The following TOGARAM1 variants were observed in gnomAD, a reference collection of about 807,000 sequenced individuals.
The protein encoded by TOGARAM1 is TOG array regulator of axonemal microtubules 1.
TOGARAM1 carries 100 observed loss-of-function variants against 166.6 expected under a neutral mutation model. The observed-to-expected ratio is 0.60, with a 90% CI of 0.51 to 0.71. The LOEUF (loss-of-function observed/expected upper bound fraction) is 0.71. Among genes scored for constraint, TOGARAM1 ranks in the 30% least tolerant of loss-of-function variants. The pLI is 0.00. For missense variants in TOGARAM1, 2,029 were observed against 2,102.7 expected, an observed-to-expected ratio of 0.96 and a Z score of 0.69; for synonymous variants, 758 against 763.8, an observed-to-expected ratio of 0.99 and a Z score of 0.13.
At position 45,066,594 on chromosome 14, in the gene TOGARAM1, C is replaced by G. The variant is rs772832978; in HGVS notation, c.4576C>G (p.Arg1526Gly). 5.6e-6 allele frequency: 9 copies of G among 1,606,880 alleles called. No individual in the cohort carries two copies. Among genetic ancestry groups the G allele is most frequent in the African/African-American group, 1.3e-5 (1 of 74,902 alleles). The part of the protein sequence containing the change: ...NSAERAVTEV[R>G]EVTRKSVPRN... ...TCACTTTAGAGCTGTAACTGAAGTT[C>G]GTGAAGTCACCAGAAAATCAGTCCC... is the stretch of plus-strand genomic sequence containing the variant. Residue 1526 changes from arginine to glycine, a missense_variant, in exon 17 of 20, where the codon CGT becomes GGT. By Grantham distance (125) the Arg-to-Gly change is moderately radical. This residue lies in a region of TOGARAM1 where 576 missense variants were observed against 670.5 expected (regional missense o/e 0.86). Coordinates refer to ENST00000361462, the MANE Select transcript of TOGARAM1 (RefSeq NM_001308120.2).
intron 15 of TOGARAM1, 66 bp downstream of exon 15, chr14:45,052,628 AG>A: frequency 1.4e-6 from 2 of 1,388,004 alleles, no homozygotes; most frequent in Non-Finnish European, 2.0e-6. Context: ...ATCCAGGTAA[AG>A]GATAGGAATA....
intron 16 of TOGARAM1, among the ~76,000 whole-genome samples, chr14:45,058,921 A>G (rs1416514638): frequency 6.6e-6 from 1 of 151,546 alleles, no homozygotes; most frequent in African/African-American, 2.4e-5. Context: ...TATGAGTTTT[A>G]TACTTTCTTA....
At chr14:45,011,859 G>T in intron 6 of TOGARAM1, 116 bp from the exon 7 acceptor site, 2 of 607,276 alleles carry the variant, frequency 3.3e-6, no homozygotes, top group Non-Finnish European at 5.7e-6. Flanking sequence ...CATACTTATT[G>T]CTCCCTTATT....
chr14:45,005,692 C>G (rs950149352), intron 4 of TOGARAM1, among the ~76,000 whole-genome samples: 2 of 152,150 alleles, frequency 1.3e-5, no homozygotes, highest in African/African-American at 4.8e-5. Context: ...TTTCCCCAGC[C>G]ATTGATGTAA....
In TOGARAM1 at chr14:44,997,959, A is replaced by G. The variant is rs145888439; in HGVS notation, c.2204-1404A>G. On this transcript the variant is annotated intron_variant, in intron 2 of 19. Transcript: ENST00000361462. The stretch of plus-strand genomic sequence containing the variant: ...TAGAAGGGAAAATGGTTTAGAAGGT[A>G]AAGATTTGACTATGTTATAGATTTA... Among the ~76,000 whole-genome samples the G allele has an allele frequency of 6.4e-4, 98 of 152,360 alleles. 1 individual carries two copies. Among genetic ancestry groups the G allele is most frequent in the African/African-American group, 2.1e-3 (87 of 41,582 alleles).
chr14:45,036,131 A>T (rs570186431), intron 11 of TOGARAM1, among the ~76,000 whole-genome samples: 5 of 117,422 alleles, frequency 4.3e-5, no homozygotes, highest in African/African-American at 2.1e-4. Context: ...CCTTGTCTCT[A>T]AAAAAAAAAA....
At chr14:45,024,295 T>C (rs190709975) in intron 7 of TOGARAM1, among the ~76,000 whole-genome samples, 44 of 152,300 alleles carry the variant, frequency 2.9e-4, no homozygotes, top group Admixed American at 2.4e-3. Context: ...ATTTACTATT[T>C]ACTCTTTTGA....
At chr14:45,073,160 T>C (rs1307324932) in intron 19 of TOGARAM1, 136 bp from the exon 20 acceptor site, 20 of 813,174 alleles carry the variant, frequency 2.5e-5, no homozygotes, top group Middle Eastern at 3.7e-4. Flanking sequence ...CTTACATTGC[T>C]TCTTTTAAGA....
Position 44,999,373 on chromosome 14 carries a change from G to A in TOGARAM1, c.2214G>A (p.Gly738=). 6.2e-7 allele frequency: 1 copy of A among 1,607,094 alleles called. No homozygotes were observed. The highest frequency in any genetic ancestry group is 8.5e-7 in the Non-Finnish European group (1 of 1,176,006). ...CLPLCAAGTT[G]THQTNLSGKC... is the part of the protein sequence containing the mutation. ...TCCTTTCTTCAAAAGGTACTACTGG[G>A]ACTCATCAAACAAATCTTTCTGGGA... Residue 738 remains glycine (G), a synonymous_variant, in exon 3 of 20, where the codon GGG becomes GGA. Coordinates refer to ENST00000361462, the MANE Select transcript of TOGARAM1 (RefSeq NM_001308120.2).
chr14:44,994,482 A>C (rs1887320192), intron 1 of TOGARAM1, among the ~76,000 whole-genome samples: 1 of 151,888 alleles, frequency 6.6e-6, no homozygotes, highest in African/African-American at 2.4e-5. Context: ...GCAGTGGCAC[A>C]ATATCAGCCC....
At chr14:45,014,408 G>A (rs1024360826) in intron 7 of TOGARAM1, among the ~76,000 whole-genome samples, 1 of 152,014 alleles carries the variant, frequency 6.6e-6, no homozygotes, top group Non-Finnish European at 1.5e-5. Flanking sequence ...TTTTTAATAA[G>A]TAAATTAGGT....
intron 9 of TOGARAM1, 93 bp from the exon 10 acceptor site, chr14:45,028,082 TA>T: frequency 9.5e-7 from 1 of 1,057,036 alleles, no homozygotes; most frequent in Non-Finnish European, 1.4e-6. Context: ...AGTGACAGAC[TA>T]ATATCCTCAG....
At position 45,005,011 on chromosome 14, in the gene TOGARAM1, C is replaced by T. The variant is rs558124487; in HGVS notation, c.2644+645C>T. ...GATCTTGGCTCACGGCATCCTCCACCTCCAAGTGATTCTCCTGCCTCAGCC... is the reference window on the plus strand; with the variant it reads ...GATCTTGGCTCACGGCATCCTCCACTTCCAAGTGATTCTCCTGCCTCAGCC... On this transcript the variant is annotated intron_variant, in intron 4 of 19. Transcript: ENST00000361462. Among the ~76,000 whole-genome samples the T allele has an allele frequency of 1.1e-3, 165 of 152,082 alleles. 1 individual carries two copies. Among genetic ancestry groups the T allele is most frequent in the African/African-American group, 3.9e-3 (161 of 41,516 alleles).
intron 16 of TOGARAM1, among the ~76,000 whole-genome samples, chr14:45,056,112 T>C (rs1460416639): frequency 3.9e-5 from 6 of 152,084 alleles, no homozygotes; most frequent in Admixed American, 3.3e-4. Flanking sequence ...AATATACTCC[T>C]AGGTATTTTA....
At chr14:45,062,282 TG>T in intron 16 of TOGARAM1, among the ~76,000 whole-genome samples, 1 of 152,278 alleles carries the variant, frequency 6.6e-6, no homozygotes, top group Non-Finnish European at 1.5e-5. Flanking sequence ...TTTTGCTTCA[TG>T]TATTTTGATC....
At chr14:45,058,953 C>T (rs1013594671) in intron 16 of TOGARAM1, among the ~76,000 whole-genome samples, 17 of 152,120 alleles carry the variant, frequency 1.1e-4, no homozygotes, top group African/African-American at 3.1e-4. Flanking sequence ...TAGCAAATAT[C>T]GACCTTTGTT....
At position 45,044,230 on chromosome 14, in the gene TOGARAM1, G is replaced by A. The variant is rs1341868761; in HGVS notation, c.3919-405G>A. On this transcript the variant is annotated intron_variant, in intron 12 of 19. Coordinates refer to ENST00000361462, the MANE Select transcript of TOGARAM1 (RefSeq NM_001308120.2). ...TGACCATATTGGCCAGGCTGGTCTTGAACTCCTGACCTCAGGTGATCCACC... is the reference window on the plus strand; with the variant it reads ...TGACCATATTGGCCAGGCTGGTCTTAAACTCCTGACCTCAGGTGATCCACC... 2.0e-5 allele frequency among the ~76,000 whole-genome samples: 3 copies of A among 152,016 alleles called. No individual in the cohort carries two copies. The East Asian group carries it at 5.8e-4, about 29-fold the overall frequency.
At chr14:45,001,139 C>T (rs1003054959) in intron 3 of TOGARAM1, among the ~76,000 whole-genome samples, 11 of 152,168 alleles carry the variant, frequency 7.2e-5, no homozygotes, top group African/African-American at 2.7e-4. Context: ...ATCCTTGCCA[C>T]CATTTGTTAT....
chr14:44,986,510 T>C (rs1449166214), intron 1 of TOGARAM1, among the ~76,000 whole-genome samples: 1 of 152,114 alleles, frequency 6.6e-6, no homozygotes, highest in Non-Finnish European at 1.5e-5. Context: ...TTGCCTAGGC[T>C]GGTGTTGAAC....
Sources: allele counts gnomAD v4.1 joint callset (sites outside exome capture counted in the v4.1 genomes callset), GRCh38; gene constraint gnomAD v4.1.1; regional missense constraint gnomAD v4.1.1; transcripts MANE v1.5; gene names NCBI Gene and HGNC (gene_info 2026-07-23, HGNC 2026-07-21).